MCTP2: variants seen among roughly 807,000 people sequenced by gnomAD.
MCTP2 encodes the protein multiple C2 and transmembrane domain-containing protein 2.
MCTP2 carries 132 observed loss-of-function variants against 111.6 expected under a neutral mutation model. The observed-to-expected ratio is 1.18, with a 90% CI of 1.03 to 1.37. The LOEUF (loss-of-function observed/expected upper bound fraction) is 1.37. Ranked by LOEUF, MCTP2 falls within the 40% of genes most tolerant of loss-of-function variation. The probability of loss-of-function intolerance (pLI) is 0.00; values close to 1 mark genes in which losing one functional copy is unlikely to be tolerated. For missense variants in MCTP2, 1,183 were observed against 1,067.9 expected (o/e 1.11, Z -1.50); for synonymous variants, 395 against 387.7 (o/e 1.02, Z -0.22).
At chr15:94,238,645 C>T (rs527855841) in intron 1 of MCTP2, among the ~76,000 whole-genome samples, 1 of 152,168 alleles carries the variant, frequency 6.6e-6, no homozygotes, top group Non-Finnish European at 1.5e-5. Context: ...GAGGGGAAAC[C>T]AGACAGTTTC....
At chr15:94,305,740 G>T (rs892201515) in intron 2 of MCTP2, among the ~76,000 whole-genome samples, 1 of 152,180 alleles carries the variant, frequency 6.6e-6, no homozygotes, top group Admixed American at 6.5e-5. Flanking sequence ...AAATTTAGTT[G>T]TGTTGGGGAA....
At chr15:94,472,339 T>C (rs529169382) in intron 21 of MCTP2, among the ~76,000 whole-genome samples, 2 of 152,302 alleles carry the variant, frequency 1.3e-5, no homozygotes, top group East Asian at 3.9e-4. Flanking sequence ...ATCAAGCCAC[T>C]GCACTCCAGC....
intron 2 of MCTP2, among the ~76,000 whole-genome samples, chr15:94,304,994 A>G (rs549151496): frequency 2.6e-5 from 4 of 152,248 alleles, no homozygotes; most frequent in East Asian, 3.9e-4. Flanking sequence ...TGGCATCCAT[A>G]TTGTGTCCTT....
intron 1 of MCTP2, among the ~76,000 whole-genome samples, chr15:94,257,552 T>C (rs2152276246): frequency 6.7e-6 from 1 of 149,560 alleles, no homozygotes; most frequent in South Asian, 2.1e-4. Context: ...AAAATATTTG[T>C]TGTCATTTTC....
In MCTP2 at chr15:94,331,981, G is replaced by A. The variant is rs146569561; in HGVS notation, c.638-7309G>A. On this transcript the variant is annotated intron_variant, in intron 4 of 22. Coordinates refer to ENST00000357742, the MANE Select transcript of MCTP2 (RefSeq NM_001385001.1). Reference sequence around the variant, plus strand: ...GCCCTTATCTGCAAAAGAAAGATGGGCCATGATAAGCCTGGGAATGTGCAT... The same window carrying A: ...GCCCTTATCTGCAAAAGAAAGATGGACCATGATAAGCCTGGGAATGTGCAT... Among the ~76,000 whole-genome samples the A allele has an allele frequency of 2.0e-3, 311 of 152,300 alleles. 2 individuals carry two copies. The highest frequency in any genetic ancestry group is 3.8e-3 in the Non-Finnish European group (258 of 68,024).
intron 5 of MCTP2, 22 bp from the exon 6 acceptor site, chr15:94,340,177 T>C: frequency 6.4e-7 from 1 of 1,556,780 alleles, no homozygotes; most frequent in Non-Finnish European, 8.8e-7. Context: ...AATGTGTTAA[T>C]TGACCTCTGT....
intron 19 of MCTP2, among the ~76,000 whole-genome samples, chr15:94,453,929 T>G (rs2084633822): frequency 6.6e-6 from 1 of 152,196 alleles, no homozygotes; most frequent in Admixed American, 6.5e-5. Context: ...TGTTGATATA[T>G]CTCTCTGTGG....
At chr15:94,416,670 C>T (rs781062544) in intron 17 of MCTP2, among the ~76,000 whole-genome samples, 49 of 152,266 alleles carry the variant, frequency 3.2e-4, no homozygotes, top group Non-Finnish European at 6.3e-4. Flanking sequence ...CTTGCGATGG[C>T]TTTAGTGCCC....
At chr15:94,249,577 C>T (rs1404300851) in intron 1 of MCTP2, among the ~76,000 whole-genome samples, 7 of 151,998 alleles carry the variant, frequency 4.6e-5, no homozygotes, top group African/African-American at 1.7e-4. Context: ...CCTCCGCCTC[C>T]TGGGTTCACG....
intron 2 of MCTP2, among the ~76,000 whole-genome samples, chr15:94,308,961 A>G (rs1454919533): frequency 2.0e-5 from 3 of 152,040 alleles, no homozygotes; most frequent in Admixed American, 6.5e-5. Flanking sequence ...AGATTTTGCT[A>G]TTAGATTAGA....
rs1291484873 is a variant in MCTP2 at position 94,263,709 on chromosome 15, T to TTGAGAGC, written c.-66+32049_-66+32055dup. Among the ~76,000 whole-genome samples the TTGAGAGC allele has an allele frequency of 7.9e-5, 12 of 152,306 alleles. No homozygotes were observed. In the East Asian group the frequency reaches 2.1e-3, roughly 27 times the overall value. On this transcript the variant is annotated intron_variant, in intron 1 of 22. Coordinates refer to ENST00000357742, the MANE Select transcript of MCTP2 (RefSeq NM_001385001.1). ...AGACCACGGAAAGAAGAGTTACAGT[T>TTGAGAGC]TGAGAGCTGAAACAAGAAGGCAGAC... is the stretch of plus-strand genomic sequence containing the variant.
intron 20 of MCTP2, among the ~76,000 whole-genome samples, chr15:94,469,851 A>T (rs2073762965): frequency 6.6e-6 from 1 of 151,986 alleles, no homozygotes; most frequent in Non-Finnish European, 1.5e-5. Context: ...CAGCCTGGGT[A>T]ACAGCAAGAT....
chr15:94,298,807 C>G, intron 2 of MCTP2, 77 bp downstream of exon 2: 2 of 874,502 alleles, frequency 2.3e-6, no homozygotes, highest in South Asian at 3.8e-5. Context: ...CCTCTCTCCC[C>G]ATCTCCCTCT....
chr15:94,268,130 T>G (rs1234405789), intron 1 of MCTP2, among the ~76,000 whole-genome samples: 1 of 151,220 alleles, frequency 6.6e-6, no homozygotes, highest in Non-Finnish European at 1.5e-5. Context: ...CCTCCCAAAG[T>G]GCTGAGATTA....
At chr15:94,369,603 C>G (rs3784656) in intron 11 of MCTP2, among the ~76,000 whole-genome samples, 9,528 of 151,252 alleles carry the variant, frequency 0.063, 506 homozygotes, top group South Asian at 0.11. Flanking sequence ...CCAGAAAATT[C>G]ACTGTTTCTG....
At chr15:94,350,018 G>T (rs952981427) in intron 8 of MCTP2, among the ~76,000 whole-genome samples, 2 of 152,138 alleles carry the variant, frequency 1.3e-5, no homozygotes, top group Non-Finnish European at 2.9e-5. Flanking sequence ...CAACTTCCTG[G>T]CTCCCATCTT....
chr15:94,267,130 T>G (rs543733356), intron 1 of MCTP2, among the ~76,000 whole-genome samples: 1 of 152,228 alleles, frequency 6.6e-6, no homozygotes, highest in Non-Finnish European at 1.5e-5. Flanking sequence ...TGTTGGAGTT[T>G]GAGAGATACG....
chr15:94,462,377 G>A (rs532807056), intron 20 of MCTP2, among the ~76,000 whole-genome samples: 91 of 152,308 alleles, frequency 6.0e-4, no homozygotes, highest in Non-Finnish European at 1.1e-3. Flanking sequence ...TACCTTCTGA[G>A]GATTTAGGGA....
chr15:94,427,585 C>T (rs139795607), intron 17 of MCTP2, among the ~76,000 whole-genome samples: 83 of 152,216 alleles, frequency 5.5e-4, no homozygotes, highest in African/African-American at 2.0e-3. Context: ...GAGGTTCACC[C>T]GCATGATTTA....
Sources: gnomAD v4.1 joint callset for allele counts (sites outside exome capture counted in the v4.1 genomes callset) on GRCh38, gnomAD v4.1.1 for gene constraint, MANE v1.5 for transcripts, NCBI Gene and HGNC (gene_info 2026-07-23, HGNC 2026-07-21) for gene names.